CHRM3: variants seen among roughly 807,000 people sequenced by gnomAD.
CHRM3 encodes the protein muscarinic acetylcholine receptor M3.
A neutral mutation model predicts 41.8 loss-of-function variants in CHRM3; 11 were observed. The ratio of observed to expected loss-of-function variants is 0.26; its 90% confidence interval spans 0.17 to 0.44. The LOEUF (loss-of-function observed/expected upper bound fraction) is 0.44, where lower values mean the gene tolerates loss of function less well. Among genes scored for constraint, CHRM3 ranks in the 20% least tolerant of loss-of-function variants. The pLI is 1.00. For missense variants in CHRM3, 571 were observed against 745.4 expected (o/e 0.77, Z 2.72); for synonymous variants, 297 against 301.4 (o/e 0.99, Z 0.15).
chr1:239,456,903 T>A (rs2147854625), intron 1 of CHRM3, among the ~76,000 whole-genome samples: 1 of 152,312 alleles, frequency 6.6e-6, no homozygotes, highest in Admixed American at 6.5e-5. Flanking sequence ...TAAACATACC[T>A]TTCTTCCACA....
At chr1:239,612,268 A>G (rs1382278672) in intron 3 of CHRM3, among the ~76,000 whole-genome samples, 1 of 152,240 alleles carries the variant, frequency 6.6e-6, no homozygotes, top group Non-Finnish European at 1.5e-5. Flanking sequence ...ATATATCACA[A>G]GACAAATATC....
At chr1:239,498,856 C>T (rs1668043266) in intron 2 of CHRM3, among the ~76,000 whole-genome samples, 1 of 152,028 alleles carries the variant, frequency 6.6e-6, no homozygotes, top group African/African-American at 2.4e-5. Flanking sequence ...TGCGGTTATA[C>T]ATCTGACCTA....
At chr1:239,883,224 G>A (rs1677794497) in intron 6 of CHRM3, among the ~76,000 whole-genome samples, 1 of 152,164 alleles carries the variant, frequency 6.6e-6, no homozygotes, top group South Asian at 2.1e-4. Flanking sequence ...TCTCAGCCGT[G>A]ATGTTCCTCC....
At position 239,909,489 on chromosome 1, in the gene CHRM3, A is replaced by G. The variant is rs1187402283; in HGVS notation, c.*265A>G. Reference sequence around the variant, plus strand: ...AATAGACTTTACGTGTTTTTTTCTTAAAGAGGAGAAAAATATTGCTTGACG... The same window carrying G: ...AATAGACTTTACGTGTTTTTTTCTTGAAGAGGAGAAAAATATTGCTTGACG... On this transcript the variant is annotated 3_prime_UTR_variant, in exon 7 of 7. Transcript: ENST00000676153. 2.8e-6 allele frequency: 1 copy of G among 352,098 alleles called. No homozygotes were observed. The highest frequency in any genetic ancestry group is 5.3e-6 in the Non-Finnish European group (1 of 187,624). The allele number at this position is 352,098 out of a possible 1,614,324, so 21.8% of individuals were successfully genotyped here.
intron 1 of CHRM3, among the ~76,000 whole-genome samples, chr1:239,492,211 C>A (rs1315057592): frequency 6.6e-6 from 1 of 152,076 alleles, no homozygotes; most frequent in Non-Finnish European, 1.5e-5. Context: ...TCAGCAGATA[C>A]CTACCTACCT....
At chr1:239,424,317 A>T (rs756889767) in intron 1 of CHRM3, among the ~76,000 whole-genome samples, 2 of 151,536 alleles carry the variant, frequency 1.3e-5, no homozygotes, top group Admixed American at 6.6e-5. Context: ...GAACATAATC[A>T]TTCATTAATG....
At position 239,789,014 on chromosome 1, in the gene CHRM3, T is replaced by C. The variant is rs374089168; in HGVS notation, c.-146-38238T>C. On this transcript the variant is annotated intron_variant, in intron 5 of 6. Coordinates refer to ENST00000676153, the MANE Select transcript of CHRM3 (RefSeq NM_001375978.1). ...ATATTTCGCTTGTGTAAGAGTCCAC[T>C]TGGGGTCTTCCTGGTCAGGCGTCTT... 1.1e-4 allele frequency among the ~76,000 whole-genome samples: 16 copies of C among 152,318 alleles called. No homozygotes were observed. In the East Asian group the frequency reaches 2.1e-3, roughly 20 times the overall value.
At chr1:239,431,584 C>T (rs1401271753) in intron 1 of CHRM3, among the ~76,000 whole-genome samples, 2 of 152,024 alleles carry the variant, frequency 1.3e-5, no homozygotes, top group Non-Finnish European at 2.9e-5. Flanking sequence ...ATTTAAGTTC[C>T]CTGAGATCCC....
intron 2 of CHRM3, among the ~76,000 whole-genome samples, chr1:239,541,476 C>T (rs894133502): frequency 6.6e-6 from 1 of 152,006 alleles, no homozygotes; most frequent in Non-Finnish European, 1.5e-5. Flanking sequence ...GTCAATGCCA[C>T]CTGCAATATG....
chr1:239,427,203 C>G (rs928178651), intron 1 of CHRM3, among the ~76,000 whole-genome samples: 1 of 152,082 alleles, frequency 6.6e-6, no homozygotes, highest in African/African-American at 2.4e-5. Flanking sequence ...CAGCAGGAAG[C>G]AGATGTCACA....
intron 3 of CHRM3, among the ~76,000 whole-genome samples, chr1:239,581,917 A>G (rs1047445739): frequency 1.3e-5 from 2 of 152,168 alleles, no homozygotes; most frequent in Non-Finnish European, 1.5e-5. Flanking sequence ...AAATTTTGCC[A>G]ATTATTTATG....
chr1:239,788,556 G>C lies in CHRM3; in HGVS notation c.-146-38696G>C, dbSNP rs968181301. On this transcript the variant is annotated intron_variant, in intron 5 of 6. Coordinates refer to ENST00000676153, the MANE Select transcript of CHRM3 (RefSeq NM_001375978.1). ...TGAGGCAGGTGGATTCCTTGAGGTC[G>C]GGAGTTCCAGACCAGACTGAGCAAC... is the stretch of plus-strand genomic sequence containing the variant. Among the ~76,000 whole-genome samples, 5 of 151,936 alleles carry C rather than the reference G, an allele frequency of 3.3e-5. No homozygotes were observed. The South Asian group carries it at 6.2e-4, about 19-fold the overall frequency.
intron 4 of CHRM3, among the ~76,000 whole-genome samples, chr1:239,677,794 T>G (rs1379173350): frequency 2.0e-5 from 3 of 152,340 alleles, no homozygotes; most frequent in East Asian, 3.9e-4. Flanking sequence ...CATAGCAGCT[T>G]TATATCAACC....
In CHRM3 at chr1:239,768,462, A is replaced by T. The variant is rs1358248998; in HGVS notation, c.-146-58790A>T. Among the ~76,000 whole-genome samples, 3 of 131,720 alleles carry T rather than the reference A, an allele frequency of 2.3e-5. No individual in the cohort carries two copies. In the Admixed American group the frequency reaches 2.3e-4, roughly 10 times the overall value. The allele number at this position is 131,720 out of a possible 152,430, so 86.4% of individuals were successfully genotyped here. On this transcript the variant is annotated intron_variant, in intron 5 of 6. Transcript: ENST00000676153. ...TACAAAAATGAATGACGCAGCACTT[A>T]TGCCTTCCAGAAAGCCCAACATGGT... is the stretch of plus-strand genomic sequence containing the variant.
chr1:239,749,395 C>A (rs372324153), intron 5 of CHRM3, among the ~76,000 whole-genome samples: 1 of 151,996 alleles, frequency 6.6e-6, no homozygotes, highest in African/African-American at 2.4e-5. Context: ...AGGTTGGGCA[C>A]GAGTGGCTCA....
chr1:239,438,644 G>T (rs183315796), intron 1 of CHRM3, among the ~76,000 whole-genome samples: 1 of 152,212 alleles, frequency 6.6e-6, no homozygotes, highest in Non-Finnish European at 1.5e-5. Flanking sequence ...TTGAGATTTG[G>T]GAGGCTTTCA....
intron 5 of CHRM3, 163 bp from the exon 6 acceptor site, chr1:239,827,089 G>A (rs184667301): frequency 5.3e-5 from 8 of 152,312 alleles, no homozygotes; most frequent in Admixed American, 2.6e-4. Context: ...TAGGTAACTT[G>A]CTACTGAAAT....
chr1:239,500,997 A>G (rs1668206606), intron 2 of CHRM3, among the ~76,000 whole-genome samples: 1 of 152,204 alleles, frequency 6.6e-6, no homozygotes, highest in Admixed American at 6.5e-5. Flanking sequence ...AGACAAAACA[A>G]ATGTTAAAGT....
In CHRM3 at chr1:239,909,245, A is replaced by C. The variant is rs1460387227; in HGVS notation, c.*21A>C. On this transcript the variant is annotated 3_prime_UTR_variant, in exon 7 of 7. Transcript: ENST00000676153. ...TGTAGAATGAGGTTGTATCAATAGC[A>C]GTGACAAAACGCACACATCAACCCA... 6.3e-7 allele frequency: 1 copy of C among 1,577,590 alleles called. No individual in the cohort carries two copies. Among genetic ancestry groups the C allele is most frequent in the African/African-American group, 1.3e-5 (1 of 74,124 alleles).
Sources: gnomAD v4.1 joint callset for allele counts (sites outside exome capture counted in the v4.1 genomes callset) on GRCh38, gnomAD v4.1.1 for gene constraint, MANE v1.5 for transcripts, NCBI Gene and HGNC (gene_info 2026-07-23, HGNC 2026-07-21) for gene names.